Variants in MBTPS1 observed in about 807,000 individuals in gnomAD.
MBTPS1 encodes the protein membrane-bound transcription factor site-1 protease.
Under a neutral mutation model 127.8 loss-of-function variants are expected in MBTPS1, and 94 were observed. That is an observed-to-expected ratio of 0.74 (90% CI 0.62 to 0.87). MBTPS1 has a LOEUF of 0.87. Among genes scored for constraint, MBTPS1 ranks in the 40% least tolerant of loss-of-function variants. The probability of loss-of-function intolerance (pLI) is 0.00; values close to 1 mark genes in which losing one functional copy is unlikely to be tolerated. For synonymous variants in MBTPS1, 632 were observed against 509.4 expected (o/e 1.24, Z -3.24); for missense variants, 1,636 against 1,353.2 (o/e 1.21, Z -3.28).
intron 12 of MBTPS1, 90 bp downstream of exon 12, chr16:84,074,507 T>A (rs1041725606): frequency 5.7e-6 from 8 of 1,392,306 alleles, no homozygotes; most frequent in African/African-American, 1.4e-5. Flanking sequence ...TTTCCTTTTT[T>A]AACTTCAGCA....
intron 3 of MBTPS1, among the ~76,000 whole-genome samples, chr16:84,097,171 C>A (rs1597343527): frequency 6.6e-6 from 1 of 152,114 alleles, no homozygotes; most frequent in Non-Finnish European, 1.5e-5. Context: ...TGTCTTATGG[C>A]CCATGGGATA....
At chr16:84,087,315 G>C (rs747592543) in intron 9 of MBTPS1, 43 bp downstream of exon 9, 5 of 1,496,706 alleles carry the variant, frequency 3.3e-6, no homozygotes, top group African/African-American at 1.4e-5. Flanking sequence ...AGCCACAGTA[G>C]TTTGTCCAGC....
intron 14 of MBTPS1, 46 bp from the exon 15 acceptor site, chr16:84,068,500 G>T: frequency 7.7e-7 from 1 of 1,306,742 alleles, no homozygotes; most frequent in South Asian, 1.2e-5. Flanking sequence ...ATCTTTACTG[G>T]CAATAAAGGC....
At position 84,056,071 on chromosome 16, in the gene MBTPS1, G is replaced by T. The variant is rs1223135985; in HGVS notation, c.2896C>A (p.Arg966=). The T allele has an allele frequency of 3.7e-6, 6 of 1,614,114 alleles. No homozygotes were observed. The highest frequency in any genetic ancestry group is 1.7e-5 in the Admixed American group (1 of 60,034). Residue 966 remains arginine (R), a synonymous_variant, in exon 22 of 23, where the codon CGA becomes AGA. Coordinates refer to ENST00000343411, the MANE Select transcript of MBTPS1 (RefSeq NM_003791.4). The stretch of plus-strand genomic sequence containing the variant: ...GGCCTCACTTGAGGGCGATTCGATC[G>T]AAAGTTGGGTAACACCACCTTGTCC... ...DLDKVVLPNF[R]SNRPQVRPLS...
intron 9 of MBTPS1, among the ~76,000 whole-genome samples, 189 bp from the exon 10 acceptor site, chr16:84,085,323 C>G (rs1012195080): frequency 6.6e-6 from 1 of 152,168 alleles, no homozygotes; most frequent in Non-Finnish European, 1.5e-5. Flanking sequence ...TCCCAACACT[C>G]TGGGAGGCCG....
intron 18 of MBTPS1, among the ~76,000 whole-genome samples, chr16:84,063,778 C>G (rs185591974): frequency 6.6e-6 from 1 of 152,222 alleles, no homozygotes; most frequent in Admixed American, 6.5e-5. Flanking sequence ...TGTGTCCCCT[C>G]TTATTATCCT....
At position 84,093,714 on chromosome 16, in the gene MBTPS1, C is replaced by T. The variant is rs2086141825; in HGVS notation, c.733G>A (p.Asp245Asn). The T allele has an allele frequency of 1.2e-6, 2 of 1,609,486 alleles. No homozygotes were observed. Among genetic ancestry groups the T allele is most frequent in the Non-Finnish European group, 1.7e-6 (2 of 1,175,916 alleles). The change falls in exon 5 of 23, where the codon GAT becomes AAT. Residue 245 changes from aspartate (D) to asparagine (N), a missense_variant. Asp to Asn is a conservative substitution (Grantham distance 23). Transcript: ENST00000343411. ...TCTCACTGCTGCTGAGACCCACCAT[C>T]GTCCAGCGTTCGCTCGTTGGTCCAG... ...TNWTNERTLD[D>N]GLGHGTFVAG... is the part of the protein sequence containing the mutation.
intron 9 of MBTPS1, chr16:84,085,949 G>C (rs1223433989): frequency 1.3e-5 from 2 of 152,192 alleles, no homozygotes; most frequent in Non-Finnish European, 2.9e-5. Context: ...AGAAACCACT[G>C]AGAAGGAACA....
chr16:84,077,862 A>G (rs1207681246), intron 11 of MBTPS1, among the ~76,000 whole-genome samples: 2 of 152,200 alleles, frequency 1.3e-5, no homozygotes, highest in African/African-American at 2.4e-5. Flanking sequence ...TAACACTCAT[A>G]TATCGAGAAC....
At chr16:84,062,408 C>T (rs754617647) in intron 19 of MBTPS1, among the ~76,000 whole-genome samples, 4 of 152,206 alleles carry the variant, frequency 2.6e-5, no homozygotes, top group African/African-American at 4.8e-5. Flanking sequence ...CGTGAGCCAC[C>T]GCGCCCGGCC....
At chr16:84,073,318 G>C (rs62048206) in intron 12 of MBTPS1, among the ~76,000 whole-genome samples, 9,277 of 152,106 alleles carry the variant, frequency 0.061, 334 homozygotes, top group South Asian at 0.18. Flanking sequence ...ATTTTTAGTA[G>C]AGACGGGGTT....
chr16:84,107,858 T>C (rs1326085855), intron 1 of MBTPS1, among the ~76,000 whole-genome samples: 2 of 146,042 alleles, frequency 1.4e-5, no homozygotes, highest in Admixed American at 7.1e-5. Context: ...TACGGCACTA[T>C]GTCCAGCTAA....
At chr16:84,081,528 T>G in intron 11 of MBTPS1, 1 of 362,234 alleles carries the variant, frequency 2.8e-6, no homozygotes, top group Non-Finnish European at 4.9e-6. Context: ...ATCATTACTT[T>G]TAACCATTTA....
intron 12 of MBTPS1, among the ~76,000 whole-genome samples, chr16:84,072,695 C>T (rs996400995): frequency 1.3e-5 from 2 of 152,056 alleles, no homozygotes; most frequent in South Asian, 2.1e-4. Flanking sequence ...GAGGCTGAGG[C>T]AGGAAAATGG....
At chr16:84,097,970 G>GA (rs771346115) in intron 3 of MBTPS1, among the ~76,000 whole-genome samples, 14 of 151,716 alleles carry the variant, frequency 9.2e-5, no homozygotes, top group Non-Finnish European at 1.9e-4. Flanking sequence ...TCCTTCTGAT[G>GA]AAAGAAATGA....
chr16:84,104,056 C>T (rs1274274115), intron 1 of MBTPS1, among the ~76,000 whole-genome samples: 1 of 152,206 alleles, frequency 6.6e-6, no homozygotes, highest in Admixed American at 6.5e-5. Flanking sequence ...ATGCTTGATA[C>T]ATCCAGCAAT....
intron 1 of MBTPS1, among the ~76,000 whole-genome samples, chr16:84,111,768 G>A (rs181871834): frequency 6.6e-6 from 1 of 152,106 alleles, no homozygotes; most frequent in Non-Finnish European, 1.5e-5. Context: ...AATTCATGTT[G>A]TTCTAGGCCA....
intron 10 of MBTPS1, among the ~76,000 whole-genome samples, chr16:84,084,231 T>A (rs1237793918): frequency 6.6e-6 from 1 of 152,326 alleles, no homozygotes; most frequent in Admixed American, 6.5e-5. Context: ...ATGCTGGGAT[T>A]ACAGGTGTGA....
rs756834029 is a variant in MBTPS1, at chr16:84,091,702, C to G, written c.963+30G>C. On this transcript the variant is annotated intron_variant, in intron 7 of 22. Coordinates refer to ENST00000343411, the MANE Select transcript of MBTPS1 (RefSeq NM_003791.4). Reference sequence around the variant, plus strand: ...GCTGCGAAAGAGCAGGAGCTGTCACCCAAACCCCGTGTGCAGTGACTCCAC... The same window carrying G: ...GCTGCGAAAGAGCAGGAGCTGTCACGCAAACCCCGTGTGCAGTGACTCCAC... 4.0e-6 allele frequency: 6 copies of G among 1,507,490 alleles called. No homozygotes were observed. The East Asian group carries it at 6.8e-5, about 17-fold the overall frequency. The allele number at this position is 1,507,490 out of a possible 1,614,324, so 93.4% of individuals were successfully genotyped here. A position where few individuals can be genotyped will look rare whatever the true frequency, so the allele number is the denominator to read the frequency against.
Sources: allele counts gnomAD v4.1 joint callset (sites outside exome capture counted in the v4.1 genomes callset), GRCh38; gene constraint gnomAD v4.1.1; transcripts MANE v1.5; gene names NCBI Gene and HGNC (gene_info 2026-07-23, HGNC 2026-07-21).